NCKAP5L: variants seen among roughly 807,000 people sequenced by gnomAD.
NCKAP5L encodes nck-associated protein 5-like.
In NCKAP5L, 54 loss-of-function variants were observed where a neutral mutation model predicts 103.2. The observed-to-expected ratio is 0.52, with a 90% CI of 0.42 to 0.66. NCKAP5L has a LOEUF of 0.66. NCKAP5L is among the 30% of genes least tolerant of loss of function. NCKAP5L has a pLI of 0.00. For missense variants in NCKAP5L, 1,733 were observed against 1,750.6 expected, an observed-to-expected ratio of 0.99 and a Z score of 0.18; for synonymous variants, 762 against 748.6, an observed-to-expected ratio of 1.02 and a Z score of -0.29.
At chr12:49,822,860 A>T (rs1006094658) in intron 1 of NCKAP5L, among the ~76,000 whole-genome samples, 13 of 152,254 alleles carry the variant, frequency 8.5e-5, no homozygotes, top group African/African-American at 3.1e-4. Context: ...TTTTCAAACT[A>T]TATTTATAAA....
intron 8 of NCKAP5L, 99 bp downstream of exon 8, chr12:49,794,666 C>A: frequency 1.0e-6 from 1 of 982,542 alleles, no homozygotes; most frequent in Non-Finnish European, 1.4e-6. Context: ...AGCCCCAGCT[C>A]CCAGGAAAAG....
intron 3 of NCKAP5L, 24 bp downstream of exon 3, chr12:49,803,898 C>G: frequency 6.2e-7 from 1 of 1,600,406 alleles, no homozygotes; most frequent in Non-Finnish European, 8.5e-7. Flanking sequence ...GGCACTGCTG[C>G]CCCTACCACG....
chr12:49,816,570 T>C (rs1410696751), intron 1 of NCKAP5L, among the ~76,000 whole-genome samples: 1 of 130,764 alleles, frequency 7.6e-6, no homozygotes, highest in Non-Finnish European at 1.6e-5. Context: ...GAGGCCAAGG[T>C]GGGTGGATTA....
Position 49,792,056 on chromosome 12 carries a change from GA to G in NCKAP5L, c.3793-6del. The G allele has an allele frequency of 6.5e-7, 1 of 1,531,594 alleles. No homozygotes were observed. 94.9% of individuals were successfully genotyped at this position (1,531,594 alleles called of 1,614,324 possible). ...CTTCCGGTCCACGGGCAGGGCCTGG[GA>G]AAGGAGGGGCAGCTCGGGAGGAAGC... On this transcript the variant is annotated splice_region_variant and splice_polypyrimidine_tract_variant and intron_variant, in intron 12 of 12. Coordinates refer to ENST00000335999, the MANE Select transcript of NCKAP5L (RefSeq NM_001037806.4). This position sits in a 1 kb window ranked among gnomAD's most constrained non-coding sequence, Gnocchi z 4.5.
Position 49,822,974 on chromosome 12 carries a change from G to C in NCKAP5L, c.-99+5348C>G, listed in dbSNP as rs140502717. ...CAGCTGTGGCATCCAACCTCTTCCA[G>C]GCCCCTAGGACAAGGGAGCAGGTGA... On this transcript the variant is annotated intron_variant, in intron 1 of 12. Coordinates refer to ENST00000335999, the MANE Select transcript of NCKAP5L (RefSeq NM_001037806.4). 3.8e-3 allele frequency among the ~76,000 whole-genome samples: 573 copies of C among 152,280 alleles called. 2 individuals carry two copies. In the Middle Eastern group the frequency reaches 0.051, roughly 14 times the overall value.
At chr12:49,813,568 C>A (rs1349120073) in intron 1 of NCKAP5L, among the ~76,000 whole-genome samples, 1 of 152,152 alleles carries the variant, frequency 6.6e-6, no homozygotes, top group Non-Finnish European at 1.5e-5. Context: ...CACTCTGTCG[C>A]TCAGGCTGAA....
rs953074435 is a variant in NCKAP5L at position 49,828,406 on chromosome 12, G to T, written c.-183C>A. On this transcript the variant is annotated 5_prime_UTR_variant, in exon 1 of 13. Transcript: ENST00000335999. ...CTTGGGGGCGGGGGGCAGAGAAAGG[G>T]GGGTGCCGGAGCCGCCTCCTGATGT... is the stretch of plus-strand genomic sequence containing the variant. 6.5e-6 allele frequency: 1 copy of T among 152,766 alleles called. No individual in the cohort carries two copies. Among genetic ancestry groups the T allele is most frequent in the Non-Finnish European group, 1.5e-5 (1 of 68,532 alleles). The allele number at this position is 152,766 out of a possible 1,614,324, so 9.5% of individuals were successfully genotyped here. A position where few individuals can be genotyped will look rare whatever the true frequency, so the allele number is the denominator to read the frequency against.
At chr12:49,807,246 CGTGTGTGTGTGT>C (rs67299530) in intron 1 of NCKAP5L, among the ~76,000 whole-genome samples, 7 of 149,162 alleles carry the variant, frequency 4.7e-5, no homozygotes, top group African/African-American at 1.2e-4. Flanking sequence ...AATGCTTCTT[CGTGTGTGTGTGT>C]GTGTGTGTGT....
intron 1 of NCKAP5L, among the ~76,000 whole-genome samples, chr12:49,808,472 G>A (rs906016688): frequency 2.0e-5 from 3 of 152,186 alleles, no homozygotes; most frequent in African/African-American, 4.8e-5. Context: ...GGAGGAGCAC[G>A]GGCCATGAGA....
chr12:49,795,280 G>T lies in NCKAP5L; in HGVS notation c.2580C>A (p.Ser860=). The change falls in exon 8 of 13, where the codon TCC becomes TCA. Residue 860 remains serine (S), a synonymous_variant. Coordinates refer to ENST00000335999, the MANE Select transcript of NCKAP5L (RefSeq NM_001037806.4). ...WADCGSTTAQ[S]TPLVPGPTDP... is the part of the protein sequence containing the mutation. Reference sequence around the variant, plus strand: ...CAGTGGGGCCAGGTACTAGGGGTGTGGACTGGGCCGTGGTACTACCACAGT... The same window carrying T: ...CAGTGGGGCCAGGTACTAGGGGTGTTGACTGGGCCGTGGTACTACCACAGT... The T allele has an allele frequency of 6.5e-7, 1 of 1,533,558 alleles. No homozygotes were observed. The highest frequency in any genetic ancestry group is 8.8e-7 in the Non-Finnish European group (1 of 1,142,456). The allele number at this position is 1,533,558 out of a possible 1,614,324, so 95.0% of individuals were successfully genotyped here. A position where few individuals can be genotyped will look rare whatever the true frequency, so the allele number is the denominator to read the frequency against.
Position 49,791,943 on chromosome 12 carries a change from C to T in NCKAP5L, c.3901G>A (p.Glu1301Lys), listed in dbSNP as rs746750804. Residue 1301 changes from glutamate (E) to lysine (K), a missense_variant, in exon 13 of 13, where the codon GAG becomes AAG. By Grantham distance (56) the Glu-to-Lys change is moderately conservative. Transcript: ENST00000335999. ...CCCCCGCTGGCCACTCTGCCTTCCTCGGCCATGTCCGAAGTGCTGGGGGTG... is the reference window on the plus strand; with the variant it reads ...CCCCCGCTGGCCACTCTGCCTTCCTTGGCCATGTCCGAAGTGCTGGGGGTG... ...SRTPSTSDMAEEGRVASGGPP... is the reference protein window; with the variant it reads ...SRTPSTSDMAKEGRVASGGPP... 8 of 1,612,260 alleles carry T rather than the reference C, an allele frequency of 5.0e-6. No homozygotes were observed. Among genetic ancestry groups the T allele is most frequent in the African/African-American group, 4.0e-5 (3 of 74,928 alleles).
rs553099751 is a variant in NCKAP5L at position 49,824,360 on chromosome 12, G to A, written c.-99+3962C>T. On this transcript the variant is annotated intron_variant, in intron 1 of 12. Transcript: ENST00000335999. ...GGAGTGGGGAGCACCTTACAGCCAG[G>A]TAGGCAGATCAGATCAAGAAGAGTC... 1.1e-4 allele frequency among the ~76,000 whole-genome samples: 16 copies of A among 152,354 alleles called. No individual in the cohort carries two copies. The East Asian group carries it at 3.1e-3, about 29-fold the overall frequency.
At position 49,804,095 on chromosome 12, in the gene NCKAP5L, G is replaced by A; in HGVS notation, c.-36-15C>T. ...GCCCCGGCAGGCTACTCCAGGGAAT[G>A]AGGAGGAAGTGAGAAGGAGGAGGAC... On this transcript the variant is annotated splice_polypyrimidine_tract_variant and intron_variant, in intron 2 of 12. Transcript: ENST00000335999. 1 of 1,598,992 alleles carries A rather than the reference G, an allele frequency of 6.3e-7. No individual in the cohort carries two copies. The highest frequency in any genetic ancestry group is 8.5e-7 in the Non-Finnish European group (1 of 1,178,030).
At position 49,793,422 on chromosome 12, in the gene NCKAP5L, C is replaced by T. The variant is rs1435503559; in HGVS notation, c.3270G>A (p.Glu1090=). 1.9e-6 allele frequency: 3 copies of T among 1,609,402 alleles called. No homozygotes were observed. In the African/African-American group the frequency reaches 4.0e-5, roughly 21 times the overall value. Residue 1090 remains glutamate (E), a synonymous_variant, in exon 10 of 13, where the codon GAG becomes GAA. Coordinates refer to ENST00000335999, the MANE Select transcript of NCKAP5L (RefSeq NM_001037806.4). The part of the protein sequence containing the change: ...CGKPPGKPSS[E]PGRREEMPSE... The stretch of plus-strand genomic sequence containing the variant: ...AGGGCATCTCTTCCCGCCTCCCTGG[C>T]TCGCTGCTCGGCTGTGTGGGATACA...
In NCKAP5L at chr12:49,791,518, C is replaced by T; in HGVS notation, c.*321G>A. 4.2e-6 allele frequency: 1 copy of T among 235,422 alleles called. No homozygotes were observed. The allele number at this position is 235,422 out of a possible 1,614,324, so 14.6% of individuals were successfully genotyped here. A position where few individuals can be genotyped will look rare whatever the true frequency, so the allele number is the denominator to read the frequency against. ...CGGCTGGTGGGCAGGAAGCCCAGCA[C>T]CACAAGATGGCTCAGCCTGAAGTAG... On this transcript the variant is annotated 3_prime_UTR_variant, in exon 13 of 13. Coordinates refer to ENST00000335999, the MANE Select transcript of NCKAP5L (RefSeq NM_001037806.4).
At chr12:49,805,072 G>C (rs565654246) in intron 2 of NCKAP5L, 23 of 152,450 alleles carry the variant, frequency 1.5e-4, no homozygotes, top group Non-Finnish European at 2.5e-4. Flanking sequence ...CTTTGTGCAC[G>C]ATGGTCCTTC....
chr12:49,811,594 C>T lies in NCKAP5L; in HGVS notation c.-98-5553G>A, dbSNP rs558331981. 2.0e-5 allele frequency among the ~76,000 whole-genome samples: 3 copies of T among 152,110 alleles called. No individual in the cohort carries two copies. In the South Asian group the frequency reaches 6.2e-4, roughly 32 times the overall value. On this transcript the variant is annotated intron_variant, in intron 1 of 12. Coordinates refer to ENST00000335999, the MANE Select transcript of NCKAP5L (RefSeq NM_001037806.4). The stretch of plus-strand genomic sequence containing the variant: ...CAGCTTTCTCATCTACCCTTTAAAA[C>T]TTAAAATCTTTAAATCTTAAAAACA...
At chr12:49,818,434 T>C (rs902179730) in intron 1 of NCKAP5L, among the ~76,000 whole-genome samples, 1 of 152,152 alleles carries the variant, frequency 6.6e-6, no homozygotes, top group Non-Finnish European at 1.5e-5. Context: ...CATGGCTCAC[T>C]GCAACCTCAA....
At chr12:49,822,094 T>C (rs1946367481) in intron 1 of NCKAP5L, among the ~76,000 whole-genome samples, 1 of 152,176 alleles carries the variant, frequency 6.6e-6, no homozygotes, top group African/African-American at 2.4e-5. Flanking sequence ...ATTAGTGCTC[T>C]TATGAAAAGA....
Sources: gnomAD v4.1 joint callset for allele counts (sites outside exome capture counted in the v4.1 genomes callset) on GRCh38, gnomAD v4.1.1 for gene constraint, Gnocchi (gnomAD v3.1) non-coding constraint, MANE v1.5 for transcripts, NCBI Gene and HGNC (gene_info 2026-07-23, HGNC 2026-07-21) for gene names.